ABCA4: variants seen among roughly 807,000 people sequenced by gnomAD.
The protein encoded by ABCA4 is retinal-specific phospholipid-transporting ATPase ABCA4.
In ABCA4, 196 loss-of-function variants were observed where a neutral mutation model predicts 263.7. The ratio of observed to expected loss-of-function variants is 0.74; its 90% confidence interval spans 0.66 to 0.84. The LOEUF is 0.84. ABCA4 is among the 40% of genes least tolerant of loss of function. ABCA4 has a pLI of 0.00. For synonymous variants in ABCA4, 1,133 were observed against 1,094.2 expected, an observed-to-expected ratio of 1.04 and a Z score of -0.70; for missense variants, 2,792 against 2,855.1, an observed-to-expected ratio of 0.98 and a Z score of 0.50.
chr1:94,080,266 A>T (rs1212672763), intron 8 of ABCA4, among the ~76,000 whole-genome samples: 2 of 152,240 alleles, frequency 1.3e-5, no homozygotes, highest in African/African-American at 2.4e-5. Context: ...AGTGGGCCTC[A>T]GTTCTTTCTG....
rs3818778 is a variant in ABCA4, at chr1:94,014,973, A to C, written c.5313-283T>G. 0.48 allele frequency among the ~76,000 whole-genome samples: 72,566 copies of C among 151,980 alleles called. 17,766 individuals carry two copies. Among genetic ancestry groups the C allele is most frequent in the Middle Eastern group, 0.62 (182 of 294 alleles). ...TACAAAGCCCTGTACAATTCATAGG[A>C]GGGTTCTCCAGCCTGCAACACCTCC... On this transcript the variant is annotated intron_variant, in intron 37 of 49. Transcript: ENST00000370225.
At position 94,103,157 on chromosome 1, in the gene ABCA4, G is replaced by T. The variant is rs1320754390; in HGVS notation, c.443-15C>A. 1 of 1,613,468 alleles carries T rather than the reference G, an allele frequency of 6.2e-7. No individual in the cohort carries two copies. Among genetic ancestry groups the T allele is most frequent in the African/African-American group, 1.3e-5 (1 of 74,908 alleles). On this transcript the variant is annotated splice_polypyrimidine_tract_variant and intron_variant, in intron 4 of 49. Coordinates refer to ENST00000370225, the MANE Select transcript of ABCA4 (RefSeq NM_000350.3). ...TATTCCTCTTCCTACATATGAATAA[G>T]AGAAAGAACAGGGTGTTGAAGGGGA...
At chr1:94,019,236 AT>A (rs1659826523) in intron 36 of ABCA4, among the ~76,000 whole-genome samples, 1 of 152,062 alleles carries the variant, frequency 6.6e-6, no homozygotes, top group African/African-American at 2.4e-5. Flanking sequence ...AGACCCCTTC[AT>A]ATTACCTTCT....
intron 14 of ABCA4, among the ~76,000 whole-genome samples, chr1:94,057,051 T>G (rs1296080553): frequency 6.6e-6 from 1 of 152,188 alleles, no homozygotes; most frequent in Non-Finnish European, 1.5e-5. Flanking sequence ...GGGAGACCAT[T>G]AGGTTGAAAC....
chr1:94,030,329 G>T, intron 29 of ABCA4, 99 bp downstream of exon 29: 2 of 1,011,714 alleles, frequency 2.0e-6, no homozygotes, highest in African/African-American at 1.6e-5. Flanking sequence ...AGCAGAGCAG[G>T]ATTGAGTGGG....
rs899057758 is a variant in ABCA4 at position 94,013,971 on chromosome 1, T to C, written c.5460+572A>G. On this transcript the variant is annotated intron_variant, in intron 38 of 49. Transcript: ENST00000370225. ...GGGTAGGAAGGAGATTTTTTCATTG[T>C]ATGCCTTTTTGTTCCTTTTAGATTT... 1.4e-4 allele frequency among the ~76,000 whole-genome samples: 21 copies of C among 152,326 alleles called. 2 individuals are homozygous for C. The highest frequency in any genetic ancestry group is 6.5e-4 in the Admixed American group (10 of 15,304).
chr1:94,017,823 T>G (rs150818052), intron 36 of ABCA4, among the ~76,000 whole-genome samples: 33 of 152,342 alleles, frequency 2.2e-4, no homozygotes, highest in African/African-American at 6.5e-4. Flanking sequence ...ACTGTACTTG[T>G]GACTTTTCCA....
At chr1:94,028,323 A>C (rs1660091744) in intron 30 of ABCA4, among the ~76,000 whole-genome samples, 1 of 152,182 alleles carries the variant, frequency 6.6e-6, no homozygotes, top group Non-Finnish European at 1.5e-5. Flanking sequence ...TGATGTCTCT[A>C]AATCCCCCAG....
In ABCA4 at chr1:94,031,999, A is replaced by AG; in HGVS notation, c.3906dup (p.Cys1303LeufsTer119). The AG allele has an allele frequency of 6.2e-7, 1 of 1,613,218 alleles. No homozygotes were observed. The highest frequency in any genetic ancestry group is 8.5e-7 in the Non-Finnish European group (1 of 1,179,836). On this transcript the variant is annotated frameshift_variant, in exon 27 of 50. Coordinates refer to ENST00000370225, the MANE Select transcript of ABCA4 (RefSeq NM_000350.3). LOFTEE classifies it high-confidence loss of function. ...CCAGCCTTCTCTCTGGGACCCAAGC[A>AG]GGGGTGTCGGGGGTTGACGTTTTCT...
chr1:94,070,268 T>C (rs1448356717), intron 11 of ABCA4, among the ~76,000 whole-genome samples: 1 of 152,178 alleles, frequency 6.6e-6, no homozygotes, highest in East Asian at 1.9e-4. Flanking sequence ...ACAGCAAAGT[T>C]GCCTCCAATC....
chr1:94,001,817 A>G (rs764107121), intron 45 of ABCA4, 41 bp downstream of exon 45: 1 of 1,613,986 alleles, frequency 6.2e-7, no homozygotes, highest in South Asian at 1.1e-5. Context: ...GAGACCCAGC[A>G]CTTGGTTTAA....
intron 25 of ABCA4, 111 bp downstream of exon 25, chr1:94,037,034 G>A: frequency 8.6e-7 from 1 of 1,168,790 alleles, no homozygotes. Flanking sequence ...CTATGCTTGG[G>A]TGGGGAACGA....
chr1:94,011,472 A>C (rs1659546459), intron 38 of ABCA4, 87 bp from the exon 39 acceptor site: 3 of 1,600,340 alleles, frequency 1.9e-6, no homozygotes, highest in Non-Finnish European at 2.6e-6. Flanking sequence ...CTCTCACAGG[A>C]CAGCACAGGG....
chr1:94,056,688 A>C lies in ABCA4; in HGVS notation c.2295T>G (p.Ser765Arg), dbSNP rs61752404. ...GGTAGAGGGTGAAATAGATGACACC[A>C]CTACAGGCTGCTGCCAGACTGGCCT... is the stretch of plus-strand genomic sequence containing the variant. ...FSKASLAAAC[S>R]GVIYFTLYLP... The change falls in exon 15 of 50, where the codon AGT (serine) becomes AGG (arginine). Residue 765 changes from serine to arginine, a missense_variant. Transcript: ENST00000370225. The C allele has an allele frequency of 6.2e-7, 1 of 1,614,162 alleles. No homozygotes were observed. The highest frequency in any genetic ancestry group is 1.1e-5 in the South Asian group (1 of 91,070).
intron 30 of ABCA4, among the ~76,000 whole-genome samples, chr1:94,027,062 AAG>A (rs151095233): frequency 2.0e-5 from 3 of 151,674 alleles, no homozygotes; most frequent in Admixed American, 1.3e-4. Context: ...TTGAGAGAGA[AAG>A]AGAGAGAGAG....
intron 1 of ABCA4, among the ~76,000 whole-genome samples, chr1:94,113,893 G>A (rs957844261): frequency 2.0e-5 from 3 of 152,262 alleles, no homozygotes; most frequent in Non-Finnish European, 4.4e-5. Flanking sequence ...TCCAGTGGCT[G>A]TGGCAGTCCA....
intron 18 of ABCA4, among the ~76,000 whole-genome samples, chr1:94,047,981 T>C (rs147203557): frequency 2.0e-4 from 31 of 152,370 alleles, no homozygotes; most frequent in African/African-American, 7.0e-4. Flanking sequence ...TATCCGTGCC[T>C]CCTGGCCTTG....
chr1:94,058,101 T>C (rs1661027709), intron 14 of ABCA4, among the ~76,000 whole-genome samples: 1 of 152,178 alleles, frequency 6.6e-6, no homozygotes. Flanking sequence ...CTCCTGCCTG[T>C]GGGTACTGAC....
At chr1:94,117,374 G>A (rs569335064) in intron 1 of ABCA4, among the ~76,000 whole-genome samples, 37 of 152,076 alleles carry the variant, frequency 2.4e-4, no homozygotes, top group African/African-American at 6.0e-4. Context: ...CCACATCCTC[G>A]GCTTGATGCT....
Sources: allele counts gnomAD v4.1 joint callset (sites outside exome capture counted in the v4.1 genomes callset), GRCh38; gene constraint gnomAD v4.1.1; transcripts MANE v1.5; gene names NCBI Gene and HGNC (gene_info 2026-07-23, HGNC 2026-07-21).